Variants in DPYD observed in about 807,000 individuals in gnomAD.
DPYD encodes the protein dihydropyrimidine dehydrogenase [NADP(+)].
DPYD carries 109 observed loss-of-function variants against 116.2 expected under a neutral mutation model. The observed-to-expected ratio is 0.94, with a 90% CI of 0.80 to 1.10. The LOEUF (loss-of-function observed/expected upper bound fraction) is 1.10, where lower values mean the gene tolerates loss of function less well. Among genes scored for constraint, DPYD ranks in the 50% least tolerant of loss-of-function variants. The probability of loss-of-function intolerance (pLI) is 0.00; values close to 1 mark genes in which losing one functional copy is unlikely to be tolerated. For missense variants in DPYD, 1,302 were observed against 1,254.5 expected, an observed-to-expected ratio of 1.04 and a Z score of -0.57; for synonymous variants, 440 against 432.0, an observed-to-expected ratio of 1.02 and a Z score of -0.23.
intron 4 of DPYD, among the ~76,000 whole-genome samples, chr1:97,723,565 T>C (rs1303646682): frequency 1.3e-5 from 2 of 151,588 alleles, no homozygotes. Context: ...TTTTATTACA[T>C]AGTTCTTTTA....
chr1:97,470,064 C>T (rs545096776), intron 13 of DPYD, among the ~76,000 whole-genome samples: 1 of 152,224 alleles, frequency 6.6e-6, no homozygotes, highest in South Asian at 2.1e-4. Context: ...TTAGGAGGTG[C>T]TCCAATGGAC....
intron 2 of DPYD, among the ~76,000 whole-genome samples, chr1:97,840,596 A>C (rs905325152): frequency 4.6e-5 from 7 of 152,166 alleles, no homozygotes; most frequent in Non-Finnish European, 8.8e-5. Flanking sequence ...AGAAAACATC[A>C]GTAGGGTAAG....
intron 15 of DPYD, among the ~76,000 whole-genome samples, chr1:97,376,887 G>GTGTGTGTGTGTGTATATA: frequency 2.3e-5 from 3 of 128,456 alleles, no homozygotes; most frequent in African/African-American, 8.5e-5. Context: ...GTGTGTGTGT[G>GTGTGTGTGTGTGTATATA]TATATATATA....
At chr1:97,671,106 T>C (rs1489855964) in intron 8 of DPYD, among the ~76,000 whole-genome samples, 1 of 152,120 alleles carries the variant, frequency 6.6e-6, no homozygotes, top group African/African-American at 2.4e-5. Context: ...ATAAGCTGTA[T>C]AATGTTAAAA....
chr1:97,720,428 G>C, intron 5 of DPYD: 5 of 986,218 alleles, frequency 5.1e-6, no homozygotes, highest in Non-Finnish European at 6.0e-6. Flanking sequence ...ATACTTCGTA[G>C]TGGTCAGGTA....
intron 13 of DPYD, among the ~76,000 whole-genome samples, chr1:97,494,933 G>A (rs997218928): frequency 6.6e-6 from 1 of 152,168 alleles, no homozygotes; most frequent in Non-Finnish European, 1.5e-5. Flanking sequence ...TGCTGGGGCA[G>A]AAAAGCACAA....
chr1:97,834,499 G>T (rs1217118113), intron 2 of DPYD, among the ~76,000 whole-genome samples: 2 of 151,802 alleles, frequency 1.3e-5, no homozygotes, highest in Non-Finnish European at 2.9e-5. Context: ...AAACCTGCAG[G>T]ATACTAAATT....
At chr1:97,397,725 T>C (rs4445510) in intron 14 of DPYD, among the ~76,000 whole-genome samples, 29,106 of 152,036 alleles carry the variant, frequency 0.19, 2,949 homozygotes, top group South Asian at 0.36. Context: ...AAATAATATA[T>C]CACTGTCTGT....
At chr1:97,664,415 A>G (rs1659440904) in intron 8 of DPYD, among the ~76,000 whole-genome samples, 1 of 151,932 alleles carries the variant, frequency 6.6e-6, no homozygotes, top group African/African-American at 2.4e-5. Context: ...ATGTATAGCT[A>G]TGAGTTTAGT....
chr1:97,668,063 G>C (rs1459396946), intron 8 of DPYD, among the ~76,000 whole-genome samples: 1 of 152,130 alleles, frequency 6.6e-6, no homozygotes, highest in African/African-American at 2.4e-5. Flanking sequence ...AAGATGAAAA[G>C]AGTTCTGTGG....
At chr1:97,832,250 T>C (rs778171158) in intron 2 of DPYD, among the ~76,000 whole-genome samples, 24 of 152,098 alleles carry the variant, frequency 1.6e-4, no homozygotes, top group Non-Finnish European at 1.6e-4. Context: ...CCCAGGGTTA[T>C]ACAGCTAGCA....
chr1:97,159,787 CTTA>C (rs913600049), intron 20 of DPYD, among the ~76,000 whole-genome samples: 5 of 151,888 alleles, frequency 3.3e-5, no homozygotes, highest in African/African-American at 1.2e-4. Flanking sequence ...TCCTTTTAAT[CTTA>C]TTATTAGAAT....
intron 20 of DPYD, among the ~76,000 whole-genome samples, chr1:97,140,007 A>T (rs1654096282): frequency 6.6e-6 from 1 of 151,668 alleles, no homozygotes; most frequent in Non-Finnish European, 1.5e-5. Context: ...GTACTTGCCC[A>T]AAGAGGCAAC....
intron 16 of DPYD, among the ~76,000 whole-genome samples, chr1:97,347,719 A>G (rs993433249): frequency 1.3e-5 from 2 of 152,092 alleles, no homozygotes; most frequent in African/African-American, 4.8e-5. Context: ...TTTATCATGT[A>G]CAACATGATG....
At chr1:97,302,037 T>C (rs1353203381) in intron 18 of DPYD, among the ~76,000 whole-genome samples, 1 of 151,952 alleles carries the variant, frequency 6.6e-6, no homozygotes, top group Non-Finnish European at 1.5e-5. Context: ...TCCAATCAAA[T>C]AAGTCAAAGA....
At chr1:97,718,138 T>G (rs1384419311) in intron 5 of DPYD, among the ~76,000 whole-genome samples, 1 of 152,018 alleles carries the variant, frequency 6.6e-6, no homozygotes, top group East Asian at 1.9e-4. Context: ...CTATTATTTT[T>G]TGATTTTTAA....
chr1:97,627,649 T>C (rs1657009664), intron 8 of DPYD, among the ~76,000 whole-genome samples: 1 of 152,100 alleles, frequency 6.6e-6, no homozygotes, highest in African/African-American at 2.4e-5. Context: ...TAGCAACTTG[T>C]AAAATTCCTC....
intron 18 of DPYD, among the ~76,000 whole-genome samples, chr1:97,282,123 A>G (rs1665361495): frequency 6.6e-6 from 1 of 152,018 alleles, no homozygotes; most frequent in Non-Finnish European, 1.5e-5. Flanking sequence ...GGGATGTTGT[A>G]AGAGAAAACC....
At chr1:97,711,505 C>G (rs1263990597) in intron 5 of DPYD, among the ~76,000 whole-genome samples, 1 of 151,860 alleles carries the variant, frequency 6.6e-6, no homozygotes, top group Non-Finnish European at 1.5e-5. Context: ...ATTTTAAAGT[C>G]AAAAAATCCT....
Sources: gnomAD v4.1 joint callset for allele counts (sites outside exome capture counted in the v4.1 genomes callset) on GRCh38, gnomAD v4.1.1 for gene constraint, MANE v1.5 for transcripts, NCBI Gene and HGNC (gene_info 2026-07-23, HGNC 2026-07-21) for gene names.